Variants in DPP10 observed in about 807,000 individuals in gnomAD.
The protein encoded by DPP10 is dipeptidyl peptidase like 10.
A neutral mutation model predicts 120.9 loss-of-function variants in DPP10; 33 were observed. The observed-to-expected ratio is 0.27, with a 90% confidence interval of 0.21 to 0.37. The LOEUF (loss-of-function observed/expected upper bound fraction) is 0.37, where lower values mean the gene tolerates loss of function less well. Ranked by LOEUF, DPP10 falls within the 10% of genes least tolerant of loss-of-function variation. DPP10 has a pLI of 1.00. For synonymous variants in DPP10, 337 were observed against 326.1 expected, an observed-to-expected ratio of 1.03 and a Z score of -0.36; for missense variants, 816 against 942.8, an observed-to-expected ratio of 0.87 and a Z score of 1.76.
At chr2:115,154,454 TGATGAATCTTGATAA>T (rs1399140869) in intron 1 of DPP10, among the ~76,000 whole-genome samples, 1 of 152,162 alleles carries the variant, frequency 6.6e-6, no homozygotes, top group Non-Finnish European at 1.5e-5. Context: ...GATGCTGATA[TGATGAATCTTGATAA>T]GATGAATCTT....
intron 1 of DPP10, among the ~76,000 whole-genome samples, chr2:114,712,322 A>AAAAAT (rs1374832782): frequency 2.6e-5 from 4 of 152,230 alleles, no homozygotes; most frequent in Non-Finnish European, 4.4e-5. Context: ...TGTGTCTCAA[A>AAAAAT]AAAATAAAAT....
chr2:114,682,377 T>C (rs1699081260), intron 1 of DPP10, among the ~76,000 whole-genome samples: 1 of 151,946 alleles, frequency 6.6e-6, no homozygotes, highest in Non-Finnish European at 1.5e-5. Flanking sequence ...CATTCAACCC[T>C]GAGATTCTGT....
At chr2:115,780,641 T>C (rs62156293) in intron 15 of DPP10, among the ~76,000 whole-genome samples, 12,994 of 151,838 alleles carry the variant, frequency 0.086, 685 homozygotes, top group Non-Finnish European at 0.12. Context: ...ACATATTACA[T>C]ACATAAAATA....
intron 1 of DPP10, among the ~76,000 whole-genome samples, chr2:114,600,905 T>G (rs866817144): frequency 8.6e-5 from 13 of 151,946 alleles, no homozygotes; most frequent in Middle Eastern, 3.4e-3. Flanking sequence ...GTTGAACCTG[T>G]GTTTAGAAGT....
chr2:115,656,713 C>T (rs140869793), intron 5 of DPP10, among the ~76,000 whole-genome samples: 18 of 151,550 alleles, frequency 1.2e-4, no homozygotes, highest in South Asian at 4.2e-4. Context: ...TTGTTACCAG[C>T]GGGAGAAAGT....
rs1689114192 is a variant in DPP10, at chr2:114,853,301, A to G, written c.60+410463A>G. ...GAGCTACTAATGAAATACTATTAGA[A>G]CTATAACTACTACTAATTTTTTTTA... On this transcript the variant is annotated intron_variant, in intron 1 of 25. Coordinates refer to ENST00000410059, the MANE Select transcript of DPP10 (RefSeq NM_020868.6). Among the ~76,000 whole-genome samples, 3 of 152,212 alleles carry G rather than the reference A, an allele frequency of 2.0e-5. No homozygotes were observed. In the South Asian group the frequency reaches 6.2e-4, roughly 32 times the overall value.
chr2:114,985,660 G>C (rs1288931321), intron 1 of DPP10, among the ~76,000 whole-genome samples: 1 of 152,204 alleles, frequency 6.6e-6, no homozygotes, highest in Non-Finnish European at 1.5e-5. Flanking sequence ...TCTTTGCACT[G>C]TTTGTGAGAA....
chr2:115,351,053 A>G (rs1371303692), intron 3 of DPP10, among the ~76,000 whole-genome samples: 1 of 152,132 alleles, frequency 6.6e-6, no homozygotes, highest in Non-Finnish European at 1.5e-5. Context: ...ACTTTCTACC[A>G]AAAAGACCCA....
intron 2 of DPP10, among the ~76,000 whole-genome samples, chr2:115,315,528 G>A (rs1411207890): frequency 6.6e-6 from 1 of 152,060 alleles, no homozygotes; most frequent in Non-Finnish European, 1.5e-5. Flanking sequence ...TGTCATTTAA[G>A]CACCTGACCT....
intron 3 of DPP10, among the ~76,000 whole-genome samples, chr2:115,418,980 G>A (rs961348035): frequency 2.0e-5 from 3 of 152,082 alleles, no homozygotes; most frequent in Admixed American, 6.6e-5. Flanking sequence ...GCCTTCTAAT[G>A]ATTGTATGAA....
chr2:115,051,037 G>A (rs1381866485), intron 1 of DPP10, among the ~76,000 whole-genome samples: 1 of 152,130 alleles, frequency 6.6e-6, no homozygotes, highest in Non-Finnish European at 1.5e-5. Context: ...TGAATTCCAT[G>A]CTTGCTACAT....
intron 1 of DPP10, among the ~76,000 whole-genome samples, chr2:115,178,393 A>G (rs938284597): frequency 6.6e-6 from 1 of 152,180 alleles, no homozygotes; most frequent in Non-Finnish European, 1.5e-5. Flanking sequence ...TCTCTGAACC[A>G]CAGTTTCCTC....
intron 1 of DPP10, among the ~76,000 whole-genome samples, chr2:115,267,705 ATTC>A (rs1482145163): frequency 1.3e-5 from 2 of 151,916 alleles, no homozygotes; most frequent in Non-Finnish European, 2.9e-5. Context: ...CCACATGCTT[ATTC>A]TTCTCCTATA....
intron 19 of DPP10, among the ~76,000 whole-genome samples, chr2:115,793,435 A>G (rs2149924816): frequency 6.6e-6 from 1 of 152,254 alleles, no homozygotes; most frequent in African/African-American, 2.4e-5. Flanking sequence ...AGTATGGTGC[A>G]AAAGTAATTG....
At chr2:115,385,198 G>A (rs1487279293) in intron 3 of DPP10, among the ~76,000 whole-genome samples, 1 of 152,090 alleles carries the variant, frequency 6.6e-6, no homozygotes, top group Non-Finnish European at 1.5e-5. Context: ...CTCCCTTGAG[G>A]ATCCTCATTC....
At chr2:114,948,603 A>G (rs1697545093) in intron 1 of DPP10, among the ~76,000 whole-genome samples, 1 of 152,182 alleles carries the variant, frequency 6.6e-6, no homozygotes, top group Non-Finnish European at 1.5e-5. Flanking sequence ...CAAAATGTAG[A>G]CTGAACCACT....
At chr2:115,802,640 T>G (rs1391077408) in intron 19 of DPP10, among the ~76,000 whole-genome samples, 1 of 152,204 alleles carries the variant, frequency 6.6e-6, no homozygotes, top group African/African-American at 2.4e-5. Flanking sequence ...GTCTTTGTTC[T>G]CATTGGTTTC....
chr2:115,140,992 A>T (rs1202051439), intron 1 of DPP10, among the ~76,000 whole-genome samples: 1 of 152,030 alleles, frequency 6.6e-6, no homozygotes, highest in Non-Finnish European at 1.5e-5. Flanking sequence ...AGATAGGCCT[A>T]AAAATCACCA....
intron 5 of DPP10, among the ~76,000 whole-genome samples, chr2:115,633,080 G>A (rs1440729508): frequency 6.6e-6 from 1 of 152,038 alleles, no homozygotes; most frequent in Non-Finnish European, 1.5e-5. Flanking sequence ...CCCATTACTG[G>A]GTATATATCC....
Sources: allele counts gnomAD v4.1 joint callset (sites outside exome capture counted in the v4.1 genomes callset), GRCh38; gene constraint gnomAD v4.1.1; transcripts MANE v1.5; gene names NCBI Gene and HGNC (gene_info 2026-07-23, HGNC 2026-07-21).